AANAT: variants seen among roughly 807,000 people sequenced by gnomAD.
The protein encoded by AANAT is aralkylamine N-acetyltransferase, also known as serotonin N-acetyltransferase.
AANAT carries 11 observed loss-of-function variants against 15.6 expected under a neutral mutation model. That is an observed-to-expected ratio of 0.71 (90% CI 0.44 to 1.17). The LOEUF (loss-of-function observed/expected upper bound fraction) is 1.17. AANAT is among the 50% of genes most tolerant of loss of function. The probability of loss-of-function intolerance (pLI) is 0.00; values close to 1 mark genes in which losing one functional copy is unlikely to be tolerated. For synonymous variants in AANAT, 139 were observed against 131.5 expected, an observed-to-expected ratio of 1.06 and a Z score of -0.39; for missense variants, 286 against 296.3, an observed-to-expected ratio of 0.97 and a Z score of 0.26.
At chr17:76,460,130 ATTTTTTTTTTTTTTTTTTT>A (rs556197358) in intron 2 of AANAT, among the ~76,000 whole-genome samples, 9 of 87,998 alleles carry the variant, frequency 1.0e-4, no homozygotes, top group Admixed American at 1.2e-4. Flanking sequence ...ACTTCAGGAA[ATTTTTTTTTTTTTTTTTTT>A]TTTTTTTTTT....
chr17:76,453,702 T>C (rs1228244709), exon 1 of AANAT: 1 of 152,056 alleles, frequency 6.6e-6, no homozygotes, highest in East Asian at 1.9e-4. Context: ...TAATGCACTG[T>C]ATTCAGGAAT....
upstream of AANAT, chr17:76,466,215 G>A: frequency 6.5e-7 from 1 of 1,535,460 alleles, no homozygotes; most frequent in Non-Finnish European, 8.7e-7. Context: ...GCCTTTTGGG[G>A]GACCCTGGAG....
chr17:76,463,023 T>A (rs967268489), upstream of AANAT, among the ~76,000 whole-genome samples: 1 of 152,128 alleles, frequency 6.6e-6, no homozygotes, highest in Non-Finnish European at 1.5e-5. Flanking sequence ...GGGGTGTGTC[T>A]CCATGCGGGA....
chr17:76,465,934 C>T (rs145973909), upstream of AANAT: 1,552 of 516,876 alleles, frequency 3.0e-3, 5 homozygotes, highest in Non-Finnish European at 4.5e-3. Flanking sequence ...ACTACAGCCT[C>T]GACCTCTCCG....
Position 76,469,444 on chromosome 17 carries a change from A to T in AANAT, c.318+117A>T, listed in dbSNP as rs2073488902. 1 of 1,419,122 alleles carries T rather than the reference A, an allele frequency of 7.0e-7. No homozygotes were observed. Among genetic ancestry groups the T allele is most frequent in the African/African-American group, 1.4e-5 (1 of 70,562 alleles). 87.9% of individuals were successfully genotyped at this position (1,419,122 alleles called of 1,614,324 possible). ...TTCTTCCTCCAGAACTGGAGAGATG[A>T]GTACAGGCCACAGGCCCCTCCCAGA... On this transcript the variant is annotated intron_variant, in intron 3 of 3. Coordinates refer to ENST00000392492, the MANE Select transcript of AANAT (RefSeq NM_001088.3). This position sits in a 1 kb window ranked among gnomAD's most constrained non-coding sequence, Gnocchi z 5.2.
At chr17:76,464,215 G>A (rs1252075443), upstream of AANAT, among the ~76,000 whole-genome samples, 8 of 152,056 alleles carry the variant, frequency 5.3e-5, no homozygotes, top group Non-Finnish European at 7.3e-5. Context: ...GGTGGTGTGC[G>A]CCCGTAATCC....
upstream of AANAT, chr17:76,465,862 A>T (rs1339371649): frequency 3.2e-6 from 1 of 311,848 alleles, no homozygotes; most frequent in Non-Finnish European, 6.2e-6. Flanking sequence ...ATTTATTTTT[A>T]TTTGTATTTT....
chr17:76,458,572 C>A (rs779644936), intron 1 of AANAT, among the ~76,000 whole-genome samples: 1 of 152,210 alleles, frequency 6.6e-6, no homozygotes, highest in African/African-American at 2.4e-5. Context: ...AGAAACTGAG[C>A]TGGTCTGGCC....
At chr17:76,463,080 G>A (rs573698721), upstream of AANAT, among the ~76,000 whole-genome samples, 7 of 152,272 alleles carry the variant, frequency 4.6e-5, no homozygotes, top group African/African-American at 1.4e-4. Flanking sequence ...GCCCGGTGGG[G>A]ATGCTCACTG....
chr17:76,453,409 G>C lies in AANAT; in HGVS notation c.-949G>C, dbSNP rs975326529. 2.9e-4 allele frequency: 86 copies of C among 295,264 alleles called. 1 individual carries two copies. Among genetic ancestry groups the C allele is most frequent in the Non-Finnish European group, 2.4e-4 (38 of 160,368 alleles). 18.3% of individuals were successfully genotyped at this position (295,264 alleles called of 1,614,324 possible). A position where few individuals can be genotyped will look rare whatever the true frequency, so the allele number is the denominator to read the frequency against. ...GGATTCAACTAAAGGGAGCGAGAAG[G>C]GGCGGGGACCCGGGAGGAGGAAGTG... On this transcript the variant is annotated 5_prime_UTR_variant, in exon 1 of 7. Transcript: ENST00000250615.
chr17:76,454,283 TG>T (rs2073314707), intron 1 of AANAT, among the ~76,000 whole-genome samples: 1 of 150,450 alleles, frequency 6.6e-6, no homozygotes, highest in Admixed American at 6.7e-5. Context: ...GAGACCATCC[TG>T]GCCAACATGG....
chr17:76,461,068 G>A (rs927375888), intron 2 of AANAT, among the ~76,000 whole-genome samples: 27 of 152,112 alleles, frequency 1.8e-4, no homozygotes, highest in Non-Finnish European at 2.8e-4. Flanking sequence ...AGGAGGCTGA[G>A]GCAGGAGAAT....
chr17:76,467,898 G>C (rs953495850), intron 1 of AANAT, among the ~76,000 whole-genome samples, 171 bp downstream of exon 1: 2 of 152,160 alleles, frequency 1.3e-5, no homozygotes, highest in Non-Finnish European at 2.9e-5. Flanking sequence ...GGTGTCTTGG[G>C]AGACAAGAGT....
At position 76,469,745 on chromosome 17, in the gene AANAT, G is replaced by A; in HGVS notation, c.399G>A (p.Gln133=). 1 of 1,566,994 alleles carries A rather than the reference G, an allele frequency of 6.4e-7. No individual in the cohort carries two copies. Among genetic ancestry groups the A allele is most frequent in the Non-Finnish European group, 8.6e-7 (1 of 1,156,328 alleles). Residue 133 remains glutamine (Q), a synonymous_variant, in exon 4 of 4, where the codon CAG becomes CAA. Transcript: ENST00000392492. This position sits in a 1 kb window ranked among gnomAD's most constrained non-coding sequence, Gnocchi z 5.2. ...CCGTGCACCGCGCCTTCCGGCAGCAGGGCAGGGGCCCCATCCTGCTGTGGC... is the reference window on the plus strand; with the variant it reads ...CCGTGCACCGCGCCTTCCGGCAGCAAGGCAGGGGCCCCATCCTGCTGTGGC... The part of the protein sequence containing the change: ...VLAVHRAFRQ[Q]GRGPILLWRY...
chr17:76,469,991 G>A lies in AANAT; in HGVS notation c.*21G>A. ...GCTGAACTGGGCTGCCCACCTGGCTGCCAACATGATCCCCGTCTCTGCCCT... is the reference window on the plus strand; with the variant it reads ...GCTGAACTGGGCTGCCCACCTGGCTACCAACATGATCCCCGTCTCTGCCCT... On this transcript the variant is annotated 3_prime_UTR_variant, in exon 4 of 4. Transcript: ENST00000392492. This position sits in a 1 kb window ranked among gnomAD's most constrained non-coding sequence, Gnocchi z 5.2. The A allele has an allele frequency of 1.4e-6, 2 of 1,452,132 alleles. No individual in the cohort carries two copies. The highest frequency in any genetic ancestry group is 1.8e-6 in the Non-Finnish European group (2 of 1,098,600). 90.0% of individuals were successfully genotyped at this position (1,452,132 alleles called of 1,614,324 possible). A position where few individuals can be genotyped will look rare whatever the true frequency, so the allele number is the denominator to read the frequency against.
chr17:76,467,475 T>A, upstream of AANAT: 10 of 920,468 alleles, frequency 1.1e-5, no homozygotes, highest in Non-Finnish European at 1.3e-5. Context: ...GCACCAGAGC[T>A]GACGTTTCCC....
chr17:76,467,800 G>T, intron 1 of AANAT, 73 bp downstream of exon 1: 1 of 909,058 alleles, frequency 1.1e-6, no homozygotes, highest in South Asian at 5.1e-5. Flanking sequence ...TTCTAGACAT[G>T]GAGGGAAACA....
chr17:76,456,908 G>A (rs2073347954), intron 1 of AANAT, among the ~76,000 whole-genome samples: 1 of 152,164 alleles, frequency 6.6e-6, no homozygotes, highest in African/African-American at 2.4e-5. Context: ...GTAACCTGAG[G>A]AGTTTCCCCA....
chr17:76,467,553 G>C, upstream of AANAT: 1 of 985,534 alleles, frequency 1.0e-6, no homozygotes, highest in South Asian at 4.7e-5. Flanking sequence ...TAGCTCGAGA[G>C]GTGGGGTGGG....
Sources: gnomAD v4.1 joint callset for allele counts (sites outside exome capture counted in the v4.1 genomes callset) on GRCh38, gnomAD v4.1.1 for gene constraint, Gnocchi (gnomAD v3.1) non-coding constraint, MANE v1.5 for transcripts, NCBI Gene and HGNC (gene_info 2026-07-23, HGNC 2026-07-21) for gene names.